The following COMMD10 variants were observed in gnomAD, a reference collection of about 807,000 sequenced individuals.
The protein encoded by COMMD10 is COMM domain containing 10.
A neutral mutation model predicts 28.9 loss-of-function variants in COMMD10; 33 were observed. That is an observed-to-expected ratio of 1.14 (90% confidence interval 0.87 to 1.53). The LOEUF (loss-of-function observed/expected upper bound fraction) is 1.53. Ranked by LOEUF, COMMD10 falls within the 40% of genes most tolerant of loss-of-function variation. The pLI is 0.00. For missense variants in COMMD10, 310 were observed against 233.4 expected, an observed-to-expected ratio of 1.33 and a Z score of -2.14; for synonymous variants, 110 against 81.7, an observed-to-expected ratio of 1.35 and a Z score of -1.87.
intron 5 of COMMD10, among the ~76,000 whole-genome samples, chr5:116,273,008 A>G (rs1349872682): frequency 4.6e-5 from 7 of 151,844 alleles, no homozygotes; most frequent in Non-Finnish European, 8.8e-5. Context: ...TCTTTTGGGC[A>G]TTGTCTCCAT....
chr5:116,098,093 C>T (rs1169799988), intron 4 of COMMD10, among the ~76,000 whole-genome samples: 1 of 152,122 alleles, frequency 6.6e-6, no homozygotes, highest in African/African-American at 2.4e-5. Context: ...CCCAAGTGGT[C>T]CATGATGAAA....
At chr5:116,271,358 C>A (rs538422063) in intron 5 of COMMD10, among the ~76,000 whole-genome samples, 1 of 147,094 alleles carries the variant, frequency 6.8e-6, no homozygotes, top group Non-Finnish European at 1.5e-5. Flanking sequence ...TATAAAATTC[C>A]TATATCTTTA....
intron 5 of COMMD10, among the ~76,000 whole-genome samples, chr5:116,240,115 G>T (rs939769704): frequency 6.6e-6 from 1 of 152,036 alleles, no homozygotes; most frequent in Non-Finnish European, 1.5e-5. Context: ...GCTAGAGAGA[G>T]TCCTCTTTCA....
At chr5:116,091,325 A>G (rs959032378) in intron 3 of COMMD10, 136 bp downstream of exon 3, 11 of 469,942 alleles carry the variant, frequency 2.3e-5, no homozygotes, top group African/African-American at 2.2e-4. Context: ...TTAGTTAAGA[A>G]TTTCAGTGTA....
intron 5 of COMMD10, among the ~76,000 whole-genome samples, chr5:116,166,838 G>T (rs537555690): frequency 6.6e-6 from 1 of 152,062 alleles, no homozygotes; most frequent in Non-Finnish European, 1.5e-5. Context: ...AACCCCATCC[G>T]AAGGTCACCA....
At chr5:116,191,169 T>C (rs1748358826) in intron 5 of COMMD10, among the ~76,000 whole-genome samples, 1 of 152,078 alleles carries the variant, frequency 6.6e-6, no homozygotes, top group South Asian at 2.1e-4. Flanking sequence ...TAGCAGGCCA[T>C]TCCTGCATGA....
At chr5:116,290,164 T>G (rs1214831565) in intron 5 of COMMD10, among the ~76,000 whole-genome samples, 1 of 151,822 alleles carries the variant, frequency 6.6e-6, no homozygotes. Flanking sequence ...TTCTCAGAAC[T>G]TTAGGGTAAA....
At chr5:116,284,799 C>A (rs965358113) in intron 5 of COMMD10, among the ~76,000 whole-genome samples, 1 of 151,620 alleles carries the variant, frequency 6.6e-6, no homozygotes, top group African/African-American at 2.4e-5. Context: ...ACTCATAGGC[C>A]AGAAGTATAT....
At chr5:116,252,717 T>C (rs1750154667) in intron 5 of COMMD10, among the ~76,000 whole-genome samples, 2 of 131,686 alleles carry the variant, frequency 1.5e-5, no homozygotes, top group Non-Finnish European at 1.6e-5. Flanking sequence ...GTAGTATAGT[T>C]TGAAGTCAGG....
chr5:116,247,264 C>G (rs890466339), intron 5 of COMMD10, among the ~76,000 whole-genome samples: 6 of 151,904 alleles, frequency 3.9e-5, no homozygotes, highest in African/African-American at 1.5e-4. Flanking sequence ...ATCAGAACCA[C>G]AATGAGATAC....
intron 5 of COMMD10, among the ~76,000 whole-genome samples, chr5:116,150,812 A>G (rs1580492738): frequency 7.8e-6 from 1 of 128,710 alleles, no homozygotes; most frequent in East Asian, 2.1e-4. Context: ...AACAGGGACA[A>G]TTTGACTTCC....
intron 5 of COMMD10, among the ~76,000 whole-genome samples, chr5:116,191,162 C>G (rs1200458889): frequency 2.0e-5 from 3 of 152,134 alleles, no homozygotes; most frequent in Admixed American, 6.5e-5. Context: ...GATCCCCTAG[C>G]AGGCCATTCC....
rs765226100 is a variant in COMMD10, at chr5:116,147,856, G to A, written c.510+13678G>A. Among the ~76,000 whole-genome samples the A allele has an allele frequency of 9.9e-5, 15 of 151,934 alleles. No individual in the cohort carries two copies. The South Asian group carries it at 1.9e-3, about 19-fold the overall frequency. ...CCTAGAGGTAATCACTTTGAGTGAC[G>A]TATTTAATTGGCATATATCTTTCCA... On this transcript the variant is annotated intron_variant, in intron 5 of 6. Transcript: ENST00000274458.
At chr5:116,126,889 C>T (rs889815030) in intron 4 of COMMD10, among the ~76,000 whole-genome samples, 22 of 151,852 alleles carry the variant, frequency 1.4e-4, no homozygotes, top group Admixed American at 4.6e-4. Context: ...TCTAAAACAC[C>T]AAAAGCAATG....
chr5:116,272,590 A>G lies in COMMD10; in HGVS notation c.511-18927A>G, dbSNP rs1750788678. On this transcript the variant is annotated intron_variant, in intron 5 of 6. Transcript: ENST00000274458. ...GGACCACTTTCATCTCTTGGTAGCC[A>G]TTGTTCTGACTGTGCTTTGTCTTCA... is the stretch of plus-strand genomic sequence containing the variant. 2.6e-5 allele frequency among the ~76,000 whole-genome samples: 4 copies of G among 151,786 alleles called. No homozygotes were observed. The South Asian group carries it at 8.3e-4, about 31-fold the overall frequency.
intron 5 of COMMD10, among the ~76,000 whole-genome samples, chr5:116,145,204 G>A (rs908957883): frequency 6.6e-6 from 1 of 151,784 alleles, no homozygotes; most frequent in African/African-American, 2.4e-5. Flanking sequence ...TTTGGATATT[G>A]GACAATTGAA....
intron 5 of COMMD10, among the ~76,000 whole-genome samples, chr5:116,151,952 G>C (rs541489329): frequency 3.3e-5 from 5 of 152,076 alleles, no homozygotes; most frequent in Non-Finnish European, 5.9e-5. Context: ...TGATGTTAGG[G>C]TGTCAGTTTT....
intron 5 of COMMD10, among the ~76,000 whole-genome samples, chr5:116,181,775 C>T (rs1747975203): frequency 6.6e-6 from 1 of 152,054 alleles, no homozygotes; most frequent in African/African-American, 2.4e-5. Flanking sequence ...CTTCTGGCAA[C>T]ATGATCTTGC....
Position 116,232,943 on chromosome 5 carries a change from T to C in COMMD10, c.511-58574T>C, listed in dbSNP as rs1043019496. Reference sequence around the variant, plus strand: ...GACATTTAAATCCAGGCAGTCTGATTGTAATTCTATGCTCTTACCCTTAAA... The same window carrying C: ...GACATTTAAATCCAGGCAGTCTGATCGTAATTCTATGCTCTTACCCTTAAA... On this transcript the variant is annotated intron_variant, in intron 5 of 6. Transcript: ENST00000274458. Among the ~76,000 whole-genome samples, 8 of 152,290 alleles carry C rather than the reference T, an allele frequency of 5.3e-5. No individual in the cohort carries two copies. The East Asian group carries it at 1.4e-3, about 26-fold the overall frequency.
Sources: allele counts gnomAD v4.1 joint callset (sites outside exome capture counted in the v4.1 genomes callset), GRCh38; gene constraint gnomAD v4.1.1; transcripts MANE v1.5; gene names NCBI Gene and HGNC (gene_info 2026-07-23, HGNC 2026-07-21).